Variants in TYW1B observed in about 807,000 individuals in gnomAD.
TYW1B encodes the protein S-adenosyl-L-methionine-dependent tRNA 4-demethylwyosine synthase TYW1B.
Under a neutral mutation model 86.9 loss-of-function variants are expected in TYW1B, and 73 were observed. That is an observed-to-expected ratio of 0.84 (90% CI 0.70 to 1.02). The LOEUF (loss-of-function observed/expected upper bound fraction) is 1.02. Ranked by LOEUF, TYW1B falls within the 50% of genes least tolerant of loss-of-function variation. TYW1B has a pLI of 0.00. For missense variants in TYW1B, 637 were observed against 827.4 expected, an observed-to-expected ratio of 0.77 and a Z score of 2.82; for synonymous variants, 248 against 292.8, an observed-to-expected ratio of 0.85 and a Z score of 1.56.
At chr7:72,657,439 T>C (rs1429839791) in intron 11 of TYW1B, among the ~76,000 whole-genome samples, 1 of 152,130 alleles carries the variant, frequency 6.6e-6, no homozygotes, top group Non-Finnish European at 1.5e-5. Flanking sequence ...AATAAAATAA[T>C]AGTTTAAAAT....
chr7:72,624,690 T>C (rs1812297692), intron 12 of TYW1B, among the ~76,000 whole-genome samples: 1 of 152,240 alleles, frequency 6.6e-6, no homozygotes, highest in South Asian at 2.1e-4. Context: ...TTATCAAAGA[T>C]ATGACATGAC....
intron 6 of TYW1B, among the ~76,000 whole-genome samples, chr7:72,779,880 G>A (rs1385644670): frequency 9.0e-5 from 13 of 144,628 alleles, no homozygotes; most frequent in Non-Finnish European, 1.5e-4. Flanking sequence ...AAAAAAAGCC[G>A]CATTAAGTCC....
intron 9 of TYW1B, among the ~76,000 whole-genome samples, chr7:72,724,399 G>A (rs1414981053): frequency 6.6e-6 from 1 of 152,188 alleles, no homozygotes; most frequent in African/African-American, 2.4e-5. Flanking sequence ...CTTGAGCCCA[G>A]GAGGCAGAGG....
At chr7:72,591,174 A>C (rs1325365591) in intron 13 of TYW1B, among the ~76,000 whole-genome samples, 2 of 152,142 alleles carry the variant, frequency 1.3e-5, no homozygotes, top group East Asian at 3.8e-4. Flanking sequence ...AAAGAAAAAA[A>C]GTGAACAGAG....
chr7:72,625,538 CACTTGAGCCCAGGAGCGGGAGGCTGAG>C lies in TYW1B; in HGVS notation c.1617+3322_1617+3348del, dbSNP rs1554438626. ...ACTTGGGAGGCTGAGGTGGGAGGAT[CACTTGAGCCCAGGAGCGGGAGGCTGAG>C]GTGGGAGGATCACTTGAGCCCAGGA... On this transcript the variant is annotated intron_variant, in intron 12 of 13. Transcript: ENST00000620995. Among the ~76,000 whole-genome samples the C allele has an allele frequency of 4.8e-4, 54 of 112,950 alleles. 2 individuals are homozygous for C. The highest frequency in any genetic ancestry group is 2.2e-3 in the African/African-American group (54 of 24,762). The allele number at this position is 112,950 out of a possible 152,430, so 74.1% of individuals were successfully genotyped here. A position where few individuals can be genotyped will look rare whatever the true frequency, so the allele number is the denominator to read the frequency against.
At chr7:72,761,732 A>G (rs996310822) in intron 7 of TYW1B, among the ~76,000 whole-genome samples, 8 of 152,084 alleles carry the variant, frequency 5.3e-5, no homozygotes, top group Non-Finnish European at 8.8e-5. Context: ...GAGAGATGTG[A>G]AAAAAGTTAT....
At chr7:72,782,286 C>G (rs1788062517) in intron 6 of TYW1B, among the ~76,000 whole-genome samples, 1 of 151,926 alleles carries the variant, frequency 6.6e-6, no homozygotes, top group South Asian at 2.1e-4. Flanking sequence ...AAGACCCTGT[C>G]TCTAAAAATA....
intron 11 of TYW1B, among the ~76,000 whole-genome samples, chr7:72,650,748 C>T (rs1554442673): frequency 6.6e-6 from 1 of 152,122 alleles, no homozygotes; most frequent in South Asian, 2.1e-4. Context: ...AGCCTGTAAA[C>T]CAAAATTCCA....
chr7:72,786,020 A>T (rs4717684), intron 6 of TYW1B, among the ~76,000 whole-genome samples: 104,867 of 151,808 alleles, frequency 0.69, 37,225 homozygotes, highest in Non-Finnish European at 0.77. Context: ...GCTGAGGCAG[A>T]ATTGCATGAA....
In TYW1B at chr7:72,783,341, T is replaced by C. The variant is rs561448327; in HGVS notation, c.847-5808A>G. On this transcript the variant is annotated intron_variant, in intron 6 of 13. Transcript: ENST00000620995. ...TGAACCTAGCAGGCGGAGGTTGCAA[T>C]GAGCCAAGATCACACCTGGGCAACA... is the stretch of plus-strand genomic sequence containing the variant. 1.6e-3 allele frequency among the ~76,000 whole-genome samples: 220 copies of C among 135,452 alleles called. 1 individual carries two copies. Among genetic ancestry groups the C allele is most frequent in the African/African-American group, 5.9e-3 (207 of 35,338 alleles). 88.9% of individuals were successfully genotyped at this position (135,452 alleles called of 152,430 possible). A position where few individuals can be genotyped will look rare whatever the true frequency, so the allele number is the denominator to read the frequency against.
intron 13 of TYW1B, among the ~76,000 whole-genome samples, chr7:72,599,259 A>AT (rs1478500671): frequency 6.6e-6 from 1 of 152,180 alleles, no homozygotes; most frequent in African/African-American, 2.4e-5. Context: ...GTAATCCATC[A>AT]TATCAATAGG....
rs569887484 is a variant in TYW1B, at chr7:72,677,480, A to G, written c.1506+17207T>C. ...ATATGTAAATTATACCTCAATTATAAAAAAACACATGGGCATGGAACATTT... is the reference window on the plus strand; with the variant it reads ...ATATGTAAATTATACCTCAATTATAGAAAAACACATGGGCATGGAACATTT... On this transcript the variant is annotated intron_variant, in intron 11 of 13. Coordinates refer to ENST00000620995, the MANE Select transcript of TYW1B (RefSeq NM_001145440.3). 3.3e-5 allele frequency among the ~76,000 whole-genome samples: 5 copies of G among 152,172 alleles called. No homozygotes were observed. In the South Asian group the frequency reaches 6.2e-4, roughly 19 times the overall value.
intron 11 of TYW1B, among the ~76,000 whole-genome samples, chr7:72,647,668 G>A (rs1194324383): frequency 1.3e-5 from 2 of 151,966 alleles, no homozygotes; most frequent in African/African-American, 4.8e-5. Flanking sequence ...TGTTTTAGAG[G>A]AGTATTTGTT....
At chr7:72,625,896 CGGGG>C (rs71876528) in intron 12 of TYW1B, among the ~76,000 whole-genome samples, 6,353 of 64,010 alleles carry the variant, frequency 0.099, 19 homozygotes, top group South Asian at 0.13. Flanking sequence ...AGAGGTGGGG[CGGGG>C]GGGGGGGAAG....
chr7:72,740,876 G>A (rs1489782372), intron 8 of TYW1B, among the ~76,000 whole-genome samples: 4 of 151,664 alleles, frequency 2.6e-5, no homozygotes, highest in East Asian at 3.9e-4. Context: ...GACTACAGGT[G>A]CCCACCACCA....
chr7:72,774,015 C>T (rs1433298930), intron 7 of TYW1B, among the ~76,000 whole-genome samples: 12 of 149,088 alleles, frequency 8.0e-5, no homozygotes, highest in Non-Finnish European at 1.2e-4. Flanking sequence ...TGAGCCAAGA[C>T]CACACCACTG....
At chr7:72,805,171 CA>C (rs1788471930) in intron 5 of TYW1B, among the ~76,000 whole-genome samples, 1 of 150,740 alleles carries the variant, frequency 6.6e-6, no homozygotes, top group South Asian at 2.1e-4. Context: ...TCAAAAGGGG[CA>C]ATGCTTTAAT....
chr7:72,649,736 T>C lies in TYW1B; in HGVS notation c.1507-20739A>G, dbSNP rs115758773. Among the ~76,000 whole-genome samples, 593 of 152,252 alleles carry C rather than the reference T, an allele frequency of 3.9e-3. 3 individuals carry two copies. The highest frequency in any genetic ancestry group is 0.014 in the African/African-American group (564 of 41,548). The stretch of plus-strand genomic sequence containing the variant: ...AATATAGGGCAGCCCAAACTATACA[T>C]CTCTAAAATCAATAAGCCCTAGAGC... On this transcript the variant is annotated intron_variant, in intron 11 of 13. Coordinates refer to ENST00000620995, the MANE Select transcript of TYW1B (RefSeq NM_001145440.3).
intron 9 of TYW1B, among the ~76,000 whole-genome samples, chr7:72,721,993 C>A (rs192957930): frequency 1.9e-4 from 29 of 152,126 alleles, no homozygotes; most frequent in South Asian, 4.1e-4. Flanking sequence ...AAGTTTGGGC[C>A]GATCAGAAAT....
Sources: allele counts gnomAD v4.1 joint callset (sites outside exome capture counted in the v4.1 genomes callset), GRCh38; gene constraint gnomAD v4.1.1; transcripts MANE v1.5; gene names NCBI Gene and HGNC (gene_info 2026-07-23, HGNC 2026-07-21).